OPCML: variants seen among roughly 807,000 people sequenced by gnomAD.
OPCML encodes opioid-binding protein/cell adhesion molecule.
Under a neutral mutation model 37.8 loss-of-function variants are expected in OPCML, and 13 were observed. The ratio of observed to expected loss-of-function variants is 0.34; its 90% CI spans 0.22 to 0.55. The LOEUF is 0.55. OPCML is among the 20% of genes least tolerant of loss of function. The pLI, the probability that OPCML is intolerant of heterozygous loss-of-function variation, is 0.91. For synonymous variants in OPCML, 176 were observed against 168.8 expected, an observed-to-expected ratio of 1.04 and a Z score of -0.33; for missense variants, 341 against 435.6, an observed-to-expected ratio of 0.78 and a Z score of 1.93.
chr11:133,004,688 G>A, intron 1 of OPCML: 1 of 985,428 alleles, frequency 1.0e-6, no homozygotes, highest in South Asian at 4.7e-5. Flanking sequence ...CTCTCCTTCA[G>A]GGCTTGCCTT....
chr11:133,031,268 A>G (rs906028509), intron 1 of OPCML, among the ~76,000 whole-genome samples: 1 of 151,244 alleles, frequency 6.6e-6, no homozygotes, highest in Non-Finnish European at 1.5e-5. Flanking sequence ...GACAGGTTAA[A>G]TAAGTGGATG....
At chr11:132,644,436 A>C (rs1190603336) in intron 3 of OPCML, among the ~76,000 whole-genome samples, 1 of 152,184 alleles carries the variant, frequency 6.6e-6, no homozygotes. Context: ...GGGAGCTGTT[A>C]TGTTGTGTCT....
At chr11:133,428,129 T>G (rs2136910198) in intron 1 of OPCML, among the ~76,000 whole-genome samples, 1 of 152,356 alleles carries the variant, frequency 6.6e-6, no homozygotes, top group African/African-American at 2.4e-5. Context: ...ACCGTTTATT[T>G]AGTTTAGTAT....
intron 3 of OPCML, among the ~76,000 whole-genome samples, chr11:132,613,117 A>G (rs1328783627): frequency 6.6e-6 from 1 of 152,194 alleles, no homozygotes; most frequent in East Asian, 1.9e-4. Flanking sequence ...GTGTCATGAG[A>G]TGAGCTGCTG....
intron 2 of OPCML, among the ~76,000 whole-genome samples, chr11:132,926,191 T>C (rs1944983370): frequency 6.6e-6 from 1 of 152,146 alleles, no homozygotes; most frequent in African/African-American, 2.4e-5. Flanking sequence ...TAACATGATA[T>C]TGTGTTTAGA....
intron 1 of OPCML, among the ~76,000 whole-genome samples, chr11:133,458,291 T>C (rs993618415): frequency 3.0e-5 from 2 of 66,014 alleles, no homozygotes; most frequent in African/African-American, 2.5e-4. Flanking sequence ...TATATACACG[T>C]GTGTGTATAT....
chr11:132,977,482 T>G (rs10750520), intron 1 of OPCML, among the ~76,000 whole-genome samples: 60,686 of 152,152 alleles, frequency 0.4, 12,547 homozygotes, highest in East Asian at 0.61. Context: ...AGTCACAAAA[T>G]CACAAGAAAA....
intron 1 of OPCML, among the ~76,000 whole-genome samples, chr11:133,185,506 A>C (rs906555956): frequency 2.6e-5 from 4 of 152,236 alleles, no homozygotes; most frequent in African/African-American, 9.6e-5. Context: ...AAAATGGTCC[A>C]GTGATGGAGA....
intron 1 of OPCML, among the ~76,000 whole-genome samples, chr11:133,338,780 A>G (rs1463277934): frequency 6.6e-6 from 1 of 152,194 alleles, no homozygotes; most frequent in Non-Finnish European, 1.5e-5. Context: ...TCTGCTAGGG[A>G]AAAGCTTTGC....
chr11:133,041,710 C>G (rs1947900775), intron 1 of OPCML, among the ~76,000 whole-genome samples: 1 of 152,160 alleles, frequency 6.6e-6, no homozygotes, highest in Admixed American at 6.5e-5. Context: ...GGGACTGCAT[C>G]CCTGGGAATA....
chr11:133,478,687 T>C (rs78458053), intron 1 of OPCML, among the ~76,000 whole-genome samples: 4,989 of 152,292 alleles, frequency 0.033, 121 homozygotes, highest in South Asian at 0.12. Context: ...CAACCTAAAC[T>C]ATAGACAAAC....
intron 1 of OPCML, among the ~76,000 whole-genome samples, chr11:133,043,383 T>C (rs542177631): frequency 1.2e-4 from 18 of 152,330 alleles, no homozygotes; most frequent in South Asian, 4.1e-4. Context: ...CCTTTGAGGA[T>C]GCCAGGCTGA....
chr11:132,755,270 C>A (rs1945997199), intron 2 of OPCML, among the ~76,000 whole-genome samples: 1 of 152,146 alleles, frequency 6.6e-6, no homozygotes, highest in African/African-American at 2.4e-5. Flanking sequence ...CCCACTATGG[C>A]ATCTCTTTCA....
chr11:132,433,951 A>C (rs1016605354), intron 7 of OPCML, among the ~76,000 whole-genome samples: 9 of 152,336 alleles, frequency 5.9e-5, no homozygotes, highest in Middle Eastern at 3.4e-3. Flanking sequence ...ACAGCAACAC[A>C]AGCCAACTAA....
At chr11:132,681,927 C>A (rs1183393726) in intron 2 of OPCML, among the ~76,000 whole-genome samples, 1 of 151,784 alleles carries the variant, frequency 6.6e-6, no homozygotes, top group East Asian at 1.9e-4. Context: ...TGCACCCCAG[C>A]CTGGGCGACA....
Position 133,006,639 on chromosome 11 carries a change from C to A in OPCML, c.62-63629G>T, listed in dbSNP as rs1227915271. The A allele has an allele frequency of 1.2e-5, 12 of 985,344 alleles. No individual in the cohort carries two copies. The African/African-American group carries it at 2.1e-4, about 17-fold the overall frequency. 61.0% of individuals were successfully genotyped at this position (985,344 alleles called of 1,614,324 possible). A position where few individuals can be genotyped will look rare whatever the true frequency, so the allele number is the denominator to read the frequency against. ...TGGCCAGAACTATGTGAAACTCACACCATCTGGAAGGTGGTCAGTGCCCTT... is the reference window on the plus strand; with the variant it reads ...TGGCCAGAACTATGTGAAACTCACAACATCTGGAAGGTGGTCAGTGCCCTT... On this transcript the variant is annotated intron_variant, in intron 1 of 7. Coordinates refer to ENST00000524381, the MANE Select transcript of OPCML (RefSeq NM_001012393.5).
chr11:133,235,400 A>T (rs1483655911), intron 1 of OPCML, among the ~76,000 whole-genome samples: 1 of 152,198 alleles, frequency 6.6e-6, no homozygotes, highest in African/African-American at 2.4e-5. Context: ...AGATATTTAC[A>T]TGGGGACCAT....
intron 4 of OPCML, among the ~76,000 whole-genome samples, chr11:132,510,730 C>A (rs1052350165): frequency 3.9e-5 from 6 of 152,150 alleles, no homozygotes; most frequent in South Asian, 2.1e-4. Context: ...TCCAATTAAA[C>A]CTCTTTTTGT....
chr11:133,145,493 G>A (rs1261903084), intron 1 of OPCML, among the ~76,000 whole-genome samples: 2 of 152,154 alleles, frequency 1.3e-5, no homozygotes, highest in Admixed American at 6.5e-5. Context: ...AAGTTGTGCT[G>A]GAAGGAAACC....
Sources: allele counts gnomAD v4.1 joint callset (sites outside exome capture counted in the v4.1 genomes callset), GRCh38; gene constraint gnomAD v4.1.1; transcripts MANE v1.5; gene names NCBI Gene and HGNC (gene_info 2026-07-23, HGNC 2026-07-21).